Variants in OSM observed in about 807,000 individuals in gnomAD.
OSM encodes oncostatin M.
In OSM, 1 loss-of-function variant was observed where a neutral mutation model predicts 6.3. That is an observed-to-expected ratio of 0.16 (90% CI 0.06 to 0.76). The LOEUF is 0.76. Among genes scored for constraint, OSM ranks in the 30% least tolerant of loss-of-function variants. The probability of loss-of-function intolerance (pLI) is 0.77; values close to 1 mark genes in which losing one functional copy is unlikely to be tolerated. For synonymous variants in OSM, 135 were observed against 143.4 expected (o/e 0.94, Z 0.42); for missense variants, 324 against 336.9 (o/e 0.96, Z 0.30).
intron 2 of OSM, 87 bp from the exon 3 acceptor site, chr22:30,264,551 T>C: frequency 1.8e-6 from 2 of 1,105,290 alleles, no homozygotes; most frequent in Non-Finnish European, 2.6e-6. Context: ...CTAGACCTCA[T>C]GCACCCCAAT....
Position 30,265,195 on chromosome 22 carries a change from TG to T in OSM, c.35-52del, listed in dbSNP as rs767632262. The T allele has an allele frequency of 4.4e-6, 7 of 1,581,004 alleles. No individual in the cohort carries two copies. In the East Asian group the frequency reaches 1.1e-4, roughly 26 times the overall value. On this transcript the variant is annotated intron_variant, in intron 1 of 2. Coordinates refer to ENST00000215781, the MANE Select transcript of OSM (RefSeq NM_020530.6). Reference sequence around the variant, plus strand: ...CTGACTTGGTGAGGAAAGCCACAGATGGGAGCCTCGGGGAGGGGGTTCAAGA... The same window carrying T: ...CTGACTTGGTGAGGAAAGCCACAGATGGAGCCTCGGGGAGGGGGTTCAAGA...
chr22:30,264,880 G>A (rs1378351295), intron 2 of OSM, 122 bp downstream of exon 2: 11 of 1,215,452 alleles, frequency 9.1e-6, no homozygotes, highest in Non-Finnish European at 1.0e-5. Context: ...GAATAACATA[G>A]CGACTCAGTT....
intron 2 of OSM, 51 bp from the exon 3 acceptor site, chr22:30,264,515 C>G (rs775198558): frequency 1.4e-6 from 2 of 1,464,174 alleles, no homozygotes; most frequent in Non-Finnish European, 1.9e-6. Flanking sequence ...CCGGACCACA[C>G]TCACAGACAA....
In OSM at chr22:30,264,075, C is replaced by T; in HGVS notation, c.567G>A (p.Leu189=). Residue 189 remains leucine, a synonymous_variant, in exon 3 of 3, where the codon CTG becomes CTA. Transcript: ENST00000215781. ...TPASDAFQRK[L]EGCRFLHGYH... is the part of the protein sequence containing the mutation. ...AGCCATGCAGGAACCTGCAGCCCTC[C>T]AGCTTGCGCTGAAAAGCATCCGAGG... 6.2e-7 allele frequency: 1 copy of T among 1,601,118 alleles called. No homozygotes were observed. The highest frequency in any genetic ancestry group is 8.5e-7 in the Non-Finnish European group (1 of 1,171,330).
chr22:30,264,467 G>A lies in OSM; in HGVS notation c.178-3C>T, dbSNP rs200211784. ...ACATCCAGGCCTTGGATACGTATCT[G>A]GCGGGAACAGGAGGATCACAGGGTG... On this transcript the variant is annotated splice_polypyrimidine_tract_variant and splice_region_variant and intron_variant, in intron 2 of 2. Coordinates refer to ENST00000215781, the MANE Select transcript of OSM (RefSeq NM_020530.6). 4.4e-5 allele frequency: 71 copies of A among 1,596,380 alleles called. No individual in the cohort carries two copies. The highest frequency in any genetic ancestry group is 5.7e-5 in the Non-Finnish European group (67 of 1,167,052).
chr22:30,264,438 A>G lies in OSM; in HGVS notation c.204T>C (p.Pro68=). 6.2e-7 allele frequency: 1 copy of G among 1,608,330 alleles called. No individual in the cohort carries two copies. Among genetic ancestry groups the G allele is most frequent in the Non-Finnish European group, 8.5e-7 (1 of 1,175,366 alleles). ...GCTCCCTGCAGTGCTCTCTCAGTTT[A>G]GGAACATCCAGGCCTTGGATACGTA... ...PYIRIQGLDV[P]KLREHCRERP... is the part of the protein sequence containing the mutation. The change falls in exon 3 of 3, where the codon CCT becomes CCC. Residue 68 remains proline (P), a synonymous_variant. Coordinates refer to ENST00000215781, the MANE Select transcript of OSM (RefSeq NM_020530.6).
chr22:30,264,115 G>T lies in OSM; in HGVS notation c.527C>A (p.Pro176His), dbSNP rs1929320313. The T allele has an allele frequency of 1.2e-6, 2 of 1,611,536 alleles. No homozygotes were observed. The highest frequency in any genetic ancestry group is 1.7e-5 in the Admixed American group (1 of 59,958). The stretch of plus-strand genomic sequence containing the variant: ...AGCATCCGAGGCAGGGGTGGGGGTG[G>T]GCGGCTGAGAGGCCCCCCGGCCAGC... ...TKAGRGASQP[P>H]TPTPASDAFQ... is the part of the protein sequence containing the mutation. The change falls in exon 3 of 3, where the codon CCC becomes CAC. Residue 176 changes from proline to histidine, a missense_variant. By Grantham distance (77) the Pro-to-His change is moderately conservative (BLOSUM62 -2). Transcript: ENST00000215781.
rs1750695693 is a variant in OSM, at chr22:30,266,279, G to C, written c.34+487C>G. On this transcript the variant is annotated intron_variant, in intron 1 of 2. Coordinates refer to ENST00000215781, the MANE Select transcript of OSM (RefSeq NM_020530.6). This position sits in a 1 kb window ranked among gnomAD's most constrained non-coding sequence, Gnocchi z 5.0. ...TGGGCTGGTGAGATCCAGGGCTGTA[G>C]ATGACGTCATATGGCTGTGTGCGCA... 6.6e-6 allele frequency among the ~76,000 whole-genome samples: 1 copy of C among 152,198 alleles called. No individual in the cohort carries two copies. The highest frequency in any genetic ancestry group is 1.5e-5 in the Non-Finnish European group (1 of 68,028).
At chr22:30,265,461 CA>C in intron 1 of OSM, 5 of 1,101,454 alleles carry the variant, frequency 4.5e-6, no homozygotes, top group Non-Finnish European at 5.7e-6. Context: ...GTCCTGCCTA[CA>C]GCACGGTTCT....
Position 30,266,651 on chromosome 22 carries a change from T to A in OSM, c.34+115A>T. 1.7e-6 allele frequency: 2 copies of A among 1,164,808 alleles called. No homozygotes were observed. Among genetic ancestry groups the A allele is most frequent in the Non-Finnish European group, 1.3e-6 (1 of 792,890 alleles). 72.2% of individuals were successfully genotyped at this position (1,164,808 alleles called of 1,614,324 possible). ...CTCTCTCCCCTTCTCAGCATCCTTCTGCCTGGCGCCTGGCCTCCCCAGTTC... is the reference window on the plus strand; with the variant it reads ...CTCTCTCCCCTTCTCAGCATCCTTCAGCCTGGCGCCTGGCCTCCCCAGTTC... On this transcript the variant is annotated intron_variant, in intron 1 of 2. Transcript: ENST00000215781. This position sits in a 1 kb window ranked among gnomAD's most constrained non-coding sequence, Gnocchi z 5.0.
At chr22:30,264,566 T>G in intron 2 of OSM, 102 bp from the exon 3 acceptor site, 1 of 972,208 alleles carries the variant, frequency 1.0e-6, no homozygotes, top group South Asian at 1.6e-5. Context: ...CCCAATCCAA[T>G]CTCCCACTGG....
At position 30,266,131 on chromosome 22, in the gene OSM, T is replaced by C. The variant is rs1019905925; in HGVS notation, c.34+635A>G. 2.6e-5 allele frequency among the ~76,000 whole-genome samples: 4 copies of C among 152,246 alleles called. No individual in the cohort carries two copies. The highest frequency in any genetic ancestry group is 5.9e-5 in the Non-Finnish European group (4 of 68,032). ...CTGCTGCCGGGCTCTGGCAGGGGCC[T>C]GTGCCTGTGGCAGCGCACGTGGGAC... is the stretch of plus-strand genomic sequence containing the variant. On this transcript the variant is annotated intron_variant, in intron 1 of 2. Transcript: ENST00000215781. The surrounding 1 kb of genome is among the most constrained non-coding windows in gnomAD (Gnocchi z 5.0).
chr22:30,264,292 A>T lies in OSM; in HGVS notation c.350T>A (p.Leu117His), dbSNP rs754518590. 9.3e-6 allele frequency: 15 copies of T among 1,614,004 alleles called. No homozygotes were observed. Among genetic ancestry groups the T allele is most frequent in the Non-Finnish European group, 1.3e-5 (15 of 1,180,014 alleles). Residue 117 changes from leucine (L) to histidine (H), a missense_variant, in exon 3 of 3, where the codon CTC (leucine) becomes CAC (histidine). By Grantham distance (99) the Leu-to-His change is moderately conservative. Transcript: ENST00000215781. ...LHRLADLEQRLPKAQDLERSG... is the reference protein window; with the variant it reads ...LHRLADLEQRHPKAQDLERSG... ...CCTCTCCAAATCCTGGGCCTTGGGG[A>T]GGCGCTGCTCTAAGTCGGCCAGTCT...
chr22:30,264,893 C>T, intron 2 of OSM, 109 bp downstream of exon 2: 1 of 1,337,900 alleles, frequency 7.5e-7, no homozygotes, highest in South Asian at 1.3e-5. Context: ...ACTCAGTTCC[C>T]CGACCTGGCC....
intron 1 of OSM, chr22:30,265,491 T>C (rs78568412): frequency 0.075 from 65,030 of 863,784 alleles, 2,750 homozygotes; most frequent in Non-Finnish European, 0.083. Context: ...GAGCTGACTC[T>C]CTGCAAGGTG....
rs115343552 is a variant in OSM at position 30,264,295 on chromosome 22, C to T, written c.347G>A (p.Arg116His). The T allele has an allele frequency of 4.4e-5, 71 of 1,614,048 alleles. No individual in the cohort carries two copies. In the East Asian group the frequency reaches 1.2e-3, roughly 26 times the overall value. The change falls in exon 3 of 3, where the codon CGC (arginine) becomes CAC (histidine). Residue 116 changes from arginine to histidine, a missense_variant. Transcript: ENST00000215781. ...CTCCAAATCCTGGGCCTTGGGGAGG[C>T]GCTGCTCTAAGTCGGCCAGTCTGTG... is the stretch of plus-strand genomic sequence containing the variant. Reference protein sequence around the residue: ...VLHRLADLEQRLPKAQDLERS... With the variant: ...VLHRLADLEQHLPKAQDLERS...
intron 2 of OSM, 30 bp downstream of exon 2, chr22:30,264,972 C>T (rs750200525): frequency 1.9e-6 from 3 of 1,609,082 alleles, no homozygotes; most frequent in Non-Finnish European, 2.6e-6. Context: ...TTCTCTGAGA[C>T]TCAGATGCCA....
chr22:30,264,881 C>T (rs1929349910), intron 2 of OSM, 121 bp downstream of exon 2: 8 of 1,220,048 alleles, frequency 6.6e-6, no homozygotes, highest in South Asian at 1.4e-5. Context: ...AATAACATAG[C>T]GACTCAGTTC....
rs1929294079 is a variant in OSM, at chr22:30,263,506, A to T, written c.*377T>A. The T allele has an allele frequency of 4.4e-6, 1 of 228,564 alleles. No homozygotes were observed. The highest frequency in any genetic ancestry group is 2.3e-5 in the African/African-American group (1 of 44,338). The allele number at this position is 228,564 out of a possible 1,614,324, so 14.2% of individuals were successfully genotyped here. On this transcript the variant is annotated 3_prime_UTR_variant, in exon 3 of 3. Coordinates refer to ENST00000215781, the MANE Select transcript of OSM (RefSeq NM_020530.6). ...ACGGAAAGGAGGAAGTCTGGGGGCA[A>T]CGGCCCTGCAAGTCATGAGAGGGAA...
Sources: gnomAD v4.1 joint callset for allele counts (sites outside exome capture counted in the v4.1 genomes callset) on GRCh38, gnomAD v4.1.1 for gene constraint, Gnocchi (gnomAD v3.1) non-coding constraint, MANE v1.5 for transcripts, NCBI Gene and HGNC (gene_info 2026-07-23, HGNC 2026-07-21) for gene names.